Variants in GKAP1 observed in about 807,000 individuals in gnomAD.
GKAP1 encodes G kinase anchoring protein 1, also known as G kinase-anchoring protein 1.
In GKAP1, 31 loss-of-function variants were observed where a neutral mutation model predicts 56.7. The observed-to-expected ratio is 0.55, with a 90% CI of 0.41 to 0.74. The LOEUF is 0.74. Ranked by LOEUF, GKAP1 falls within the 30% of genes least tolerant of loss-of-function variation. The pLI, the probability that GKAP1 is intolerant of heterozygous loss-of-function variation, is 0.00. For missense variants in GKAP1, 364 were observed against 402.3 expected, an observed-to-expected ratio of 0.90 and a Z score of 0.82; for synonymous variants, 151 against 138.6, an observed-to-expected ratio of 1.09 and a Z score of -0.63.
intron 3 of GKAP1, among the ~76,000 whole-genome samples, chr9:83,804,841 G>C (rs1944410244): frequency 9.5e-6 from 1 of 105,330 alleles, no homozygotes; most frequent in South Asian, 3.1e-4. Flanking sequence ...GTCCGGGAGG[G>C]AGGTGGGGGG....
Position 83,779,612 on chromosome 9 carries a change from T to TACACACACAC in GKAP1, c.585+760_585+769dup, listed in dbSNP as rs10546262. ...GTATATGTGTATATATATACACATA[T>TACACACACAC]ACACACACACACACACACACACACA... On this transcript the variant is annotated intron_variant, in intron 7 of 12. Transcript: ENST00000376371. Among the ~76,000 whole-genome samples, 33 of 127,378 alleles carry TACACACACAC rather than the reference T, an allele frequency of 2.6e-4. No homozygotes were observed. The East Asian group carries it at 5.4e-3, about 21-fold the overall frequency. The allele number at this position is 127,378 out of a possible 152,430, so 83.6% of individuals were successfully genotyped here.
In GKAP1 at chr9:83,744,669, G is replaced by C. The variant is rs150200575; in HGVS notation, c.905-2069C>G. 3.0e-4 allele frequency among the ~76,000 whole-genome samples: 45 copies of C among 151,952 alleles called. 1 individual carries two copies. The East Asian group carries it at 7.7e-3, about 26-fold the overall frequency. ...TGTGCTTCTAACCTTCCTTTTTCTC[G>C]TAAGTATTGTGGGGATTTTTTGTTT... On this transcript the variant is annotated intron_variant, in intron 10 of 12. Transcript: ENST00000376371.
chr9:83,774,945 G>A (rs1345924185), intron 7 of GKAP1, among the ~76,000 whole-genome samples: 1 of 151,162 alleles, frequency 6.6e-6, no homozygotes, highest in Admixed American at 6.6e-5. Flanking sequence ...TTGACCTTGT[G>A]ATCCGCCCAC....
chr9:83,755,933 T>C (rs1341904643), intron 8 of GKAP1, among the ~76,000 whole-genome samples: 1 of 151,636 alleles, frequency 6.6e-6, no homozygotes, highest in African/African-American at 2.4e-5. Context: ...GTCTCCCAAG[T>C]AGCTGGGATT....
At chr9:83,759,910 T>C (rs1943540372) in intron 8 of GKAP1, among the ~76,000 whole-genome samples, 1 of 152,242 alleles carries the variant, frequency 6.6e-6, no homozygotes, top group Non-Finnish European at 1.5e-5. Context: ...GACTAAATTA[T>C]AAACCAGCCT....
At chr9:83,802,040 C>T (rs78952661) in intron 3 of GKAP1, among the ~76,000 whole-genome samples, 2 of 152,116 alleles carry the variant, frequency 1.3e-5, no homozygotes, top group South Asian at 4.1e-4. Context: ...CTTATATACC[C>T]AACGGCTCCT....
At chr9:83,744,933 T>C (rs1251910122) in intron 10 of GKAP1, among the ~76,000 whole-genome samples, 1 of 152,090 alleles carries the variant, frequency 6.6e-6, no homozygotes, top group Non-Finnish European at 1.5e-5. Context: ...CTCACTAACA[T>C]GAGAATAGCA....
At chr9:83,751,696 G>A (rs1449951443) in intron 9 of GKAP1, among the ~76,000 whole-genome samples, 1 of 151,444 alleles carries the variant, frequency 6.6e-6, no homozygotes, top group Non-Finnish European at 1.5e-5. Context: ...AATAATTGTT[G>A]AGTGAATTCA....
Position 83,774,697 on chromosome 9 carries a change from A to AG in GKAP1, c.585+5684_585+5685insC. ...CAAAAGAAACTATCAATAAACAGAAACCCCCTTTTTTTTTTTTTTTTTTTT... is the reference window on the plus strand; with the variant it reads ...CAAAAGAAACTATCAATAAACAGAAAGCCCCCTTTTTTTTTTTTTTTTTTTT... On this transcript the variant is annotated intron_variant, in intron 7 of 12. Coordinates refer to ENST00000376371, the MANE Select transcript of GKAP1 (RefSeq NM_025211.4). Among the ~76,000 whole-genome samples, 2 of 107,230 alleles carry AG rather than the reference A, an allele frequency of 1.9e-5. 1 individual carries two copies. Among genetic ancestry groups the AG allele is most frequent in the Middle Eastern group, 8.4e-3 (2 of 238 alleles). 70.3% of individuals were successfully genotyped at this position (107,230 alleles called of 152,430 possible). A position where few individuals can be genotyped will look rare whatever the true frequency, so the allele number is the denominator to read the frequency against.
chr9:83,789,117 G>A (rs1271585144), intron 4 of GKAP1: 1 of 152,220 alleles, frequency 6.6e-6, no homozygotes, highest in African/African-American at 2.4e-5. Flanking sequence ...AAAACCACAG[G>A]TACAAAATAA....
rs573396466 is a variant in GKAP1, at chr9:83,803,488, C to T, written c.216+2814G>A. ...CGGGCTGGTCTCCAGCTCCTAGCCGCGAGTGATCCACCAGCCTCGGCCTCC... is the reference window on the plus strand; with the variant it reads ...CGGGCTGGTCTCCAGCTCCTAGCCGTGAGTGATCCACCAGCCTCGGCCTCC... On this transcript the variant is annotated intron_variant, in intron 3 of 12. Transcript: ENST00000376371. Among the ~76,000 whole-genome samples the T allele has an allele frequency of 2.6e-3, 395 of 152,358 alleles. 1 individual carries two copies. The highest frequency in any genetic ancestry group is 0.019 in the Admixed American group (285 of 15,310).
chr9:83,804,175 C>T (rs1425482103), intron 3 of GKAP1, among the ~76,000 whole-genome samples: 1 of 141,310 alleles, frequency 7.1e-6, no homozygotes, highest in South Asian at 2.3e-4. Flanking sequence ...GTGAGGGGCG[C>T]CTCTGCCCAG....
At chr9:83,803,912 C>T (rs1421388317) in intron 3 of GKAP1, among the ~76,000 whole-genome samples, 2 of 150,664 alleles carry the variant, frequency 1.3e-5, no homozygotes, top group Non-Finnish European at 3.0e-5. Context: ...GCCGCCCCGT[C>T]TGGGATGTGA....
At chr9:83,816,547 T>G (rs1397199207) in intron 2 of GKAP1, among the ~76,000 whole-genome samples, 1 of 152,242 alleles carries the variant, frequency 6.6e-6, no homozygotes, top group African/African-American at 2.4e-5. Context: ...AATCTAGACT[T>G]CTATGAAGAT....
At chr9:83,799,900 G>A (rs192958977) in intron 3 of GKAP1, among the ~76,000 whole-genome samples, 1 of 152,332 alleles carries the variant, frequency 6.6e-6, no homozygotes, top group Non-Finnish European at 1.5e-5. Flanking sequence ...AGGGGGTTGA[G>A]GCTGCAGTGA....
At chr9:83,772,143 C>CAT (rs1443936940) in intron 7 of GKAP1, among the ~76,000 whole-genome samples, 2 of 151,858 alleles carry the variant, frequency 1.3e-5, no homozygotes, top group Non-Finnish European at 2.9e-5. Flanking sequence ...AAATATTTAA[C>CAT]ATAATAAGTC....
At chr9:83,770,756 C>T (rs1006332976) in intron 7 of GKAP1, among the ~76,000 whole-genome samples, 6 of 152,138 alleles carry the variant, frequency 3.9e-5, no homozygotes, top group African/African-American at 1.4e-4. Context: ...GACAGGGTTT[C>T]ACCATGTTGG....
Position 83,786,466 on chromosome 9 carries a change from G to A in GKAP1, c.439-1628C>T, listed in dbSNP as rs1179750882. 2.0e-5 allele frequency among the ~76,000 whole-genome samples: 3 copies of A among 151,816 alleles called. 1 individual carries two copies. The highest frequency in any genetic ancestry group is 4.2e-4 in the South Asian group (2 of 4,802). ...TGAGGCAGGAGAATCACTTGAACCC[G>A]GGAGGCGGGGGTTGTGGTGAACCGA... On this transcript the variant is annotated intron_variant, in intron 5 of 12. Coordinates refer to ENST00000376371, the MANE Select transcript of GKAP1 (RefSeq NM_025211.4).
rs1282280067 is a variant in GKAP1, at chr9:83,806,313, C to T, written c.205G>A (p.Glu69Lys). The change falls in exon 3 of 13, where the codon GAA (glutamate) becomes AAA (lysine). Residue 69 changes from glutamate to lysine, a missense_variant. Physicochemically the swap from Glu to Lys is moderately conservative, Grantham distance 56. Coordinates refer to ENST00000376371, the MANE Select transcript of GKAP1 (RefSeq NM_025211.4). ...GATAATTGTGTTACCTCATTTGCTTCACTCTGTTGCTGTTCCTTCTTTTTT... is the reference window on the plus strand; with the variant it reads ...GATAATTGTGTTACCTCATTTGCTTTACTCTGTTGCTGTTCCTTCTTTTTT... ...RRKKKEQQQS[E>K]ANELRNLAFK... The T allele has an allele frequency of 6.5e-7, 1 of 1,547,258 alleles. No homozygotes were observed. The highest frequency in any genetic ancestry group is 8.7e-7 in the Non-Finnish European group (1 of 1,144,140).
Sources: allele counts gnomAD v4.1 joint callset (sites outside exome capture counted in the v4.1 genomes callset), GRCh38; gene constraint gnomAD v4.1.1; transcripts MANE v1.5; gene names NCBI Gene and HGNC (gene_info 2026-07-23, HGNC 2026-07-21).